The following CLPX variants were observed in gnomAD, a reference collection of about 807,000 sequenced individuals.
The protein encoded by CLPX is caseinolytic mitochondrial matrix peptidase chaperone subunit X.
Under a neutral mutation model 76.4 loss-of-function variants are expected in CLPX, and 34 were observed. The observed-to-expected ratio is 0.45, with a 90% CI of 0.34 to 0.59. CLPX has a LOEUF of 0.59. CLPX is among the 20% of genes least tolerant of loss of function. The pLI is 0.01. For missense variants in CLPX, 613 were observed against 757.0 expected, an observed-to-expected ratio of 0.81 and a Z score of 2.23; for synonymous variants, 248 against 270.9, an observed-to-expected ratio of 0.92 and a Z score of 0.83.
intron 5 of CLPX, 95 bp from the exon 6 acceptor site, chr15:65,162,740 G>A (rs2087868779): frequency 1.5e-6 from 1 of 672,722 alleles, no homozygotes; most frequent in Admixed American, 3.0e-5. Flanking sequence ...TATATTTAAA[G>A]GATTTGTTCA....
chr15:65,158,583 G>T lies in CLPX; in HGVS notation c.884C>A (p.Thr295Asn). The part of the protein sequence containing the change: ...EKSNILLLGP[T>N]GSGKTLLAQT... ...CTCAGCAAGTTATTTACCTGACCCA[G>T]TTGGTCCAAGCAGCAAAATATTACT... is the stretch of plus-strand genomic sequence containing the variant. The change falls in exon 7 of 14, where the codon ACT becomes AAT. Residue 295 changes from threonine (T) to asparagine (N), a missense_variant. Physicochemically the swap from Thr to Asn is moderately conservative, Grantham distance 65. Transcript: ENST00000300107. 6.2e-7 allele frequency: 1 copy of T among 1,610,104 alleles called. No individual in the cohort carries two copies. Among genetic ancestry groups the T allele is most frequent in the Non-Finnish European group, 8.5e-7 (1 of 1,178,548 alleles).
intron 1 of CLPX, among the ~76,000 whole-genome samples, chr15:65,180,903 CAA>C (rs1251123572): frequency 1.7e-4 from 17 of 102,800 alleles, no homozygotes; most frequent in Admixed American, 2.1e-4. Context: ...GACTCCATCT[CAA>C]AAAAAAAAAA....
chr15:65,155,935 G>A, intron 9 of CLPX, 79 bp from the exon 10 acceptor site: 3 of 1,250,120 alleles, frequency 2.4e-6, no homozygotes, highest in South Asian at 1.3e-5. Flanking sequence ...GGATTAAATG[G>A]GGAAAACAAT....
At chr15:65,169,760 T>A (rs2087973235) in intron 3 of CLPX, among the ~76,000 whole-genome samples, 1 of 147,330 alleles carries the variant, frequency 6.8e-6, no homozygotes, top group Non-Finnish European at 1.5e-5. Flanking sequence ...TATATTTACT[T>A]TTTTTTTTTT....
At position 65,157,727 on chromosome 15, in the gene CLPX, G is replaced by C; in HGVS notation, c.1057+19C>G. 1 of 1,606,928 alleles carries C rather than the reference G, an allele frequency of 6.2e-7. No homozygotes were observed. The highest frequency in any genetic ancestry group is 2.2e-5 in the East Asian group (1 of 44,670). ...CCCCAATATTCTAAATCTGGGGACA[G>C]ACCATGCTGAAAACATACCTTGTTG... is the stretch of plus-strand genomic sequence containing the variant. On this transcript the variant is annotated intron_variant, in intron 8 of 13. Transcript: ENST00000300107.
chr15:65,176,839 C>G (rs2088097081), intron 3 of CLPX, among the ~76,000 whole-genome samples: 1 of 151,974 alleles, frequency 6.6e-6, no homozygotes, highest in Non-Finnish European at 1.5e-5. Flanking sequence ...TGGTGATCTG[C>G]CTACCTCAGC....
intron 3 of CLPX, among the ~76,000 whole-genome samples, chr15:65,171,184 C>A (rs185217777): frequency 6.6e-6 from 1 of 152,064 alleles, no homozygotes; most frequent in African/African-American, 2.4e-5. Context: ...AGGTGGCTAA[C>A]GCCTGTAATC....
chr15:65,154,371 G>A (rs535207219), intron 11 of CLPX, among the ~76,000 whole-genome samples: 1 of 152,274 alleles, frequency 6.6e-6, no homozygotes, highest in East Asian at 1.9e-4. Flanking sequence ...ATCCAATTGG[G>A]TATGTGGGCT....
At position 65,178,961 on chromosome 15, in the gene CLPX, A is replaced by G; in HGVS notation, c.331T>C (p.Leu111=). The G allele has an allele frequency of 6.2e-7, 1 of 1,608,160 alleles. No individual in the cohort carries two copies. The highest frequency in any genetic ancestry group is 8.5e-7 in the Non-Finnish European group (1 of 1,175,746). The change falls in exon 3 of 14, where the codon TTG becomes CTG. Residue 111 remains leucine, a synonymous_variant. Coordinates refer to ENST00000300107, the MANE Select transcript of CLPX (RefSeq NM_006660.5). ...NQLRCPKCGD[L]CTHVETFVSS... is the part of the protein sequence containing the mutation. ...ACAAAGGTCTCTACATGTGTGCACA[A>G]GTCGCCACATTTAGGACAGCGCAGC...
Position 65,164,198 on chromosome 15 carries a change from G to T in CLPX, c.514-10C>A. 6.3e-7 allele frequency: 1 copy of T among 1,598,034 alleles called. No homozygotes were observed. The highest frequency in any genetic ancestry group is 1.1e-5 in the South Asian group (1 of 89,056). ...CGAGGTAGTTATAAATCTGAAAAAT[G>T]ATTAGGTATGAATAATTTAATATGA... On this transcript the variant is annotated splice_polypyrimidine_tract_variant and intron_variant, in intron 4 of 13. Transcript: ENST00000300107.
In CLPX at chr15:65,185,003, G is replaced by A. The variant is rs2088236127; in HGVS notation, c.79+72C>T. On this transcript the variant is annotated intron_variant, in intron 1 of 13. Coordinates refer to ENST00000300107, the MANE Select transcript of CLPX (RefSeq NM_006660.5). ...GCAGCAGGCCTCGTGCCCTCCCCGG[G>A]GCCCCCAACCATTGGCCAGTCCACC... 4 of 1,373,546 alleles carry A rather than the reference G, an allele frequency of 2.9e-6. No homozygotes were observed. In the African/African-American group the frequency reaches 5.7e-5, roughly 20 times the overall value. The allele number at this position is 1,373,546 out of a possible 1,614,324, so 85.1% of individuals were successfully genotyped here. A position where few individuals can be genotyped will look rare whatever the true frequency, so the allele number is the denominator to read the frequency against.
rs982898001 is a variant in CLPX at position 65,149,256 on chromosome 15, T to C, written c.*1567A>G. Reference sequence around the variant, plus strand: ...CACTTTCAGAGGCCAAGGTGGCCGATTGCCTGAGCTCAGGAGAGACCAGCC... The same window carrying C: ...CACTTTCAGAGGCCAAGGTGGCCGACTGCCTGAGCTCAGGAGAGACCAGCC... On this transcript the variant is annotated 3_prime_UTR_variant, in exon 14 of 14. Transcript: ENST00000300107. 10 of 158,160 alleles carry C rather than the reference T, an allele frequency of 6.3e-5. No individual in the cohort carries two copies. The highest frequency in any genetic ancestry group is 1.4e-4 in the Non-Finnish European group (10 of 71,580). The allele number at this position is 158,160 out of a possible 1,614,324, so 9.8% of individuals were successfully genotyped here. A position where few individuals can be genotyped will look rare whatever the true frequency, so the allele number is the denominator to read the frequency against.
intron 13 of CLPX, among the ~76,000 whole-genome samples, chr15:65,151,456 G>GAAAAAAAAAA (rs529752332): frequency 2.7e-5 from 2 of 74,584 alleles, no homozygotes; most frequent in Non-Finnish European, 4.8e-5. Flanking sequence ...ATTACTGGGA[G>GAAAAAAAAAA]AAAAAAAAAA....
intron 5 of CLPX, 72 bp downstream of exon 5, chr15:65,163,957 G>A: frequency 7.4e-7 from 1 of 1,343,152 alleles, no homozygotes; most frequent in Admixed American, 1.9e-5. Flanking sequence ...TAAGAAGAAA[G>A]TGAGGAGTTA....
intron 12 of CLPX, 83 bp downstream of exon 12, chr15:65,153,464 T>G: frequency 1.2e-6 from 1 of 863,092 alleles, no homozygotes; most frequent in Admixed American, 2.4e-5. Context: ...TATACATATT[T>G]TCCAAAAGAA....
intron 3 of CLPX, among the ~76,000 whole-genome samples, chr15:65,178,337 G>T (rs992991555): frequency 1.1e-4 from 17 of 152,084 alleles, no homozygotes; most frequent in African/African-American, 4.1e-4. Flanking sequence ...AATCTAATTT[G>T]AAATAAACAC....
At chr15:65,158,412 C>T (rs1397619183) in intron 7 of CLPX, 163 bp downstream of exon 7, 2 of 552,966 alleles carry the variant, frequency 3.6e-6, no homozygotes, top group Admixed American at 3.6e-5. Context: ...TGCCTCAAAT[C>T]CAGTTTGTAT....
At chr15:65,179,929 G>A in intron 2 of CLPX, 115 bp downstream of exon 2, 1 of 600,614 alleles carries the variant, frequency 1.7e-6, no homozygotes, top group African/African-American at 1.9e-5. Flanking sequence ...GATCATTTTA[G>A]CTATCTCATA....
chr15:65,183,773 G>C (rs1416259732), intron 1 of CLPX, among the ~76,000 whole-genome samples: 1 of 152,110 alleles, frequency 6.6e-6, no homozygotes, highest in Non-Finnish European at 1.5e-5. Flanking sequence ...ATTATTCTTT[G>C]TCTACTCCAC....
Sources: allele counts gnomAD v4.1 joint callset (sites outside exome capture counted in the v4.1 genomes callset), GRCh38; gene constraint gnomAD v4.1.1; transcripts MANE v1.5; gene names NCBI Gene and HGNC (gene_info 2026-07-23, HGNC 2026-07-21).